Variants in ZFP91 observed in about 807,000 individuals in gnomAD.
ZFP91 encodes the protein E3 ubiquitin-protein ligase ZFP91.
A neutral mutation model predicts 63.5 loss-of-function variants in ZFP91; 7 were observed. The observed-to-expected ratio is 0.11, with a 90% CI of 0.06 to 0.21. ZFP91 has a LOEUF of 0.21. Among genes scored for constraint, ZFP91 ranks in the 10% least tolerant of loss-of-function variants. ZFP91 has a pLI of 1.00. For synonymous variants in ZFP91, 330 were observed against 272.1 expected (o/e 1.21, Z -2.10); for missense variants, 628 against 736.6 (o/e 0.85, Z 1.71).
chr11:58,618,354 C>T lies in ZFP91; in HGVS notation c.*648C>T, dbSNP rs957715252. 3.7e-5 allele frequency: 8 copies of T among 215,746 alleles called. No homozygotes were observed. Among genetic ancestry groups the T allele is most frequent in the Non-Finnish European group, 5.6e-5 (6 of 106,756 alleles). 13.4% of individuals were successfully genotyped at this position (215,746 alleles called of 1,614,324 possible). A position where few individuals can be genotyped will look rare whatever the true frequency, so the allele number is the denominator to read the frequency against. On this transcript the variant is annotated 3_prime_UTR_variant, in exon 11 of 11. Coordinates refer to ENST00000316059, the MANE Select transcript of ZFP91 (RefSeq NM_053023.5). ...CTTTGATCCCAGCATCTCAGTCCCC[C>T]TCCCAACCCTCCATATGGCTCTCAA...
In ZFP91 at chr11:58,611,666, T is replaced by G; in HGVS notation, c.785T>G (p.Ile262Ser). The G allele has an allele frequency of 6.2e-7, 1 of 1,610,392 alleles. No individual in the cohort carries two copies. Among genetic ancestry groups the G allele is most frequent in the African/African-American group, 1.3e-5 (1 of 74,462 alleles). Reference protein sequence around the residue: ...KVKEEKEKKEIKVEVEVEVKE... With the variant: ...KVKEEKEKKESKVEVEVEVKE... ...AAAGAAGAGAAGGAGAAGAAGGAAA[T>G]TAAAGTGGAAGTAGAGGTGGAGGTG... is the stretch of plus-strand genomic sequence containing the variant. The change falls in exon 6 of 11, where the codon ATT becomes AGT. Residue 262 changes from isoleucine to serine, a missense_variant. Coordinates refer to ENST00000316059, the MANE Select transcript of ZFP91 (RefSeq NM_053023.5).
chr11:58,614,146 A>C, intron 8 of ZFP91, 83 bp from the exon 9 acceptor site: 1 of 804,648 alleles, frequency 1.2e-6, no homozygotes, highest in Non-Finnish European at 1.9e-6. Context: ...GTTTTCCTTC[A>C]GTACTTTTGA....
At chr11:58,596,294 G>T (rs1487345540) in intron 2 of ZFP91, among the ~76,000 whole-genome samples, 1 of 152,220 alleles carries the variant, frequency 6.6e-6, no homozygotes, top group African/African-American at 2.4e-5. Flanking sequence ...ATCTCAGGGG[G>T]TGACAGAGGT....
At chr11:58,614,423 A>T (rs1855716867) in intron 9 of ZFP91, 80 bp downstream of exon 9, 2 of 1,041,780 alleles carry the variant, frequency 1.9e-6, no homozygotes, top group South Asian at 3.7e-5. Context: ...ACGTTTTTCT[A>T]ACATAAGTCT....
rs757613959 is a variant in ZFP91 at position 58,610,935 on chromosome 11, T to C, written c.618-15T>C. ...CTACAACCAGAATGTCTCATTTCTATTTACTTATTTTTAGTAGTGAAGAGG... is the reference window on the plus strand; with the variant it reads ...CTACAACCAGAATGTCTCATTTCTACTTACTTATTTTTAGTAGTGAAGAGG... On this transcript the variant is annotated splice_polypyrimidine_tract_variant and intron_variant, in intron 4 of 10. Coordinates refer to ENST00000316059, the MANE Select transcript of ZFP91 (RefSeq NM_053023.5). 4.4e-6 allele frequency: 7 copies of C among 1,605,950 alleles called. No homozygotes were observed. The South Asian group carries it at 7.7e-5, about 18-fold the overall frequency.
chr11:58,599,887 C>T (rs184142097), intron 2 of ZFP91, among the ~76,000 whole-genome samples: 1 of 152,070 alleles, frequency 6.6e-6, no homozygotes, highest in African/African-American at 2.4e-5. Context: ...AGGAATACAA[C>T]GTCATTTTTT....
chr11:58,609,144 A>G (rs1855616085), intron 2 of ZFP91, among the ~76,000 whole-genome samples: 1 of 152,170 alleles, frequency 6.6e-6, no homozygotes, highest in African/African-American at 2.4e-5. Flanking sequence ...TTCTGAGATT[A>G]ACTTTTTATT....
At chr11:58,597,673 A>G (rs1396383730) in intron 2 of ZFP91, among the ~76,000 whole-genome samples, 2 of 152,210 alleles carry the variant, frequency 1.3e-5, no homozygotes, top group African/African-American at 2.4e-5. Context: ...TGAATGTGAG[A>G]TAAAAGTATT....
chr11:58,580,212 C>T (rs559237201), intron 1 of ZFP91, among the ~76,000 whole-genome samples: 2 of 151,572 alleles, frequency 1.3e-5, no homozygotes, highest in East Asian at 1.9e-4. Context: ...TGGAGTCTTT[C>T]ATATAAAATT....
chr11:58,588,135 T>A (rs1855243064), intron 2 of ZFP91, among the ~76,000 whole-genome samples: 1 of 152,296 alleles, frequency 6.6e-6, no homozygotes, highest in South Asian at 2.1e-4. Flanking sequence ...TACTTGGAAA[T>A]ACTGCATGCT....
At position 58,617,679 on chromosome 11, in the gene ZFP91, T is replaced by G; in HGVS notation, c.1686T>G (p.Ile562Met). 6.6e-7 allele frequency: 1 copy of G among 1,519,306 alleles called. No homozygotes were observed. The allele number at this position is 1,519,306 out of a possible 1,614,324, so 94.1% of individuals were successfully genotyped here. A position where few individuals can be genotyped will look rare whatever the true frequency, so the allele number is the denominator to read the frequency against. Residue 562 changes from isoleucine to methionine, a missense_variant, in exon 11 of 11, where the codon ATT (isoleucine) becomes ATG (methionine). Ile to Met is a conservative substitution (Grantham distance 10). Transcript: ENST00000316059. This position sits in a 1 kb window ranked among gnomAD's most constrained non-coding sequence, Gnocchi z 4.2. Reference protein sequence around the residue: ...DILGATTEVLIEDSDSAGP With the variant: ...DILGATTEVLMEDSDSAGP ...TCGGTGCTACCACAGAGGTTCTGAT[T>G]GAAGATTCAGACTCTGCCGGACCTT...
intron 1 of ZFP91, among the ~76,000 whole-genome samples, chr11:58,582,206 G>A (rs758428617): frequency 3.9e-5 from 6 of 152,130 alleles, no homozygotes; most frequent in Non-Finnish European, 5.9e-5. Context: ...GCATTAATTA[G>A]TGGAGATATG....
At chr11:58,587,117 G>T (rs1855223603) in intron 2 of ZFP91, among the ~76,000 whole-genome samples, 1 of 152,056 alleles carries the variant, frequency 6.6e-6, no homozygotes, top group South Asian at 2.1e-4. Context: ...AAGTTAAGTT[G>T]CAAAGTGCTA....
chr11:58,617,821 C>A lies in ZFP91; in HGVS notation c.*115C>A. 1 of 1,384,694 alleles carries A rather than the reference C, an allele frequency of 7.2e-7. No individual in the cohort carries two copies. Among genetic ancestry groups the A allele is most frequent in the South Asian group, 1.8e-5 (1 of 54,312 alleles). The allele number at this position is 1,384,694 out of a possible 1,614,324, so 85.8% of individuals were successfully genotyped here. A position where few individuals can be genotyped will look rare whatever the true frequency, so the allele number is the denominator to read the frequency against. On this transcript the variant is annotated 3_prime_UTR_variant, in exon 11 of 11. Transcript: ENST00000316059. The surrounding 1 kb of genome is among the most constrained non-coding windows in gnomAD (Gnocchi z 4.2). ...TAGTGAAATAACTGAAGGGCCTGCTCTTTCCATTGTGGATCACAGCACACA... is the reference window on the plus strand; with the variant it reads ...TAGTGAAATAACTGAAGGGCCTGCTATTTCCATTGTGGATCACAGCACACA...
intron 1 of ZFP91, 132 bp downstream of exon 1, chr11:58,579,754 C>G (rs1197786334): frequency 1.2e-6 from 1 of 847,058 alleles, no homozygotes. Flanking sequence ...CGCCAGATGT[C>G]ACACCGTTTC....
chr11:58,584,932 T>C, intron 2 of ZFP91, 48 bp downstream of exon 2: 1 of 1,358,656 alleles, frequency 7.4e-7, no homozygotes, highest in Non-Finnish European at 9.7e-7. Flanking sequence ...ACTGATTATC[T>C]TTTAATCTGT....
rs555955637 is a variant in ZFP91, at chr11:58,613,103, C to T, written c.987+263C>T. On this transcript the variant is annotated intron_variant, in intron 8 of 10. Coordinates refer to ENST00000316059, the MANE Select transcript of ZFP91 (RefSeq NM_053023.5). ...ATTTTTCACAAAAATACATTTGCAA[C>T]CTCCAGCATAAATGGGTTAATCATG... Among the ~76,000 whole-genome samples the T allele has an allele frequency of 1.8e-4, 28 of 152,244 alleles. No homozygotes were observed. In the South Asian group the frequency reaches 5.4e-3, roughly 29 times the overall value.
intron 2 of ZFP91, among the ~76,000 whole-genome samples, chr11:58,589,737 G>C (rs1855273140): frequency 6.6e-6 from 1 of 152,170 alleles, no homozygotes; most frequent in African/African-American, 2.4e-5. Flanking sequence ...CAGACATCTT[G>C]TTCCATGTTG....
rs746145793 is a variant in ZFP91, at chr11:58,610,943, T to C, written c.618-7T>C. ...AGAATGTCTCATTTCTATTTACTTATTTTTAGTAGTGAAGAGGAAGAGGAG... is the reference window on the plus strand; with the variant it reads ...AGAATGTCTCATTTCTATTTACTTACTTTTAGTAGTGAAGAGGAAGAGGAG... On this transcript the variant is annotated splice_polypyrimidine_tract_variant and splice_region_variant and intron_variant, in intron 4 of 10. Transcript: ENST00000316059. 4.3e-6 allele frequency: 7 copies of C among 1,609,208 alleles called. No homozygotes were observed. The highest frequency in any genetic ancestry group is 5.9e-6 in the Non-Finnish European group (7 of 1,178,286).
Sources: allele counts gnomAD v4.1 joint callset (sites outside exome capture counted in the v4.1 genomes callset), GRCh38; gene constraint gnomAD v4.1.1; non-coding constraint Gnocchi (gnomAD v3.1); transcripts MANE v1.5; gene names NCBI Gene and HGNC (gene_info 2026-07-23, HGNC 2026-07-21).